Variants in NLRC3 observed in about 807,000 individuals in gnomAD.
NLRC3 encodes the protein NLR family CARD domain-containing protein 3.
Under a neutral mutation model 91.6 loss-of-function variants are expected in NLRC3, and 87 were observed. The ratio of observed to expected loss-of-function variants is 0.95; its 90% CI spans 0.80 to 1.14. The LOEUF (loss-of-function observed/expected upper bound fraction) is 1.14, where lower values mean the gene tolerates loss of function less well. Ranked by LOEUF, NLRC3 falls within the 50% of genes most tolerant of loss-of-function variation. NLRC3 has a pLI of 0.00. For missense variants in NLRC3, 1,577 were observed against 1,418.6 expected (o/e 1.11, Z -1.79); for synonymous variants, 694 against 625.3 (o/e 1.11, Z -1.64).
chr16:3,569,987 C>A (rs1481191121), intron 1 of NLRC3, among the ~76,000 whole-genome samples: 1 of 152,144 alleles, frequency 6.6e-6, no homozygotes, highest in Non-Finnish European at 1.5e-5. Flanking sequence ...TAATTTATTT[C>A]TCATAACTCT....
chr16:3,548,709 GCGA>G lies in NLRC3; in HGVS notation c.2645_2647del (p.Ile882_Ala883delinsThr). On this transcript the variant is annotated inframe_deletion, in exon 14 of 20. Coordinates refer to ENST00000359128, the MANE Select transcript of NLRC3 (RefSeq NM_178844.4). ...GGTGCGGTTTTCTCTCACTGCCACT[GCGA>G]TGGCCCGGGCACCCTGGTCGTGGAG... The G allele has an allele frequency of 6.2e-7, 1 of 1,603,312 alleles. No individual in the cohort carries two copies. The highest frequency in any genetic ancestry group is 1.1e-5 in the South Asian group (1 of 88,516).
At position 3,564,505 on chromosome 16, in the gene NLRC3, G is replaced by A. The variant is rs756551076; in HGVS notation, c.432C>T (p.Ile144=). ...TGGTCTTGCCCATGCCGGCCACCCC[G>A]ATAGTGATGGAGACCCGGGGTGGGA... The part of the protein sequence containing the change: ...VSVPPRVSIT[I]GVAGMGKTTL... The change falls in exon 5 of 20, where the codon ATC becomes ATT. Residue 144 remains isoleucine (I), a synonymous_variant. Transcript: ENST00000359128. The surrounding 1 kb of genome is among the most constrained non-coding windows in gnomAD (Gnocchi z 5.9). 1.8e-5 allele frequency: 29 copies of A among 1,612,304 alleles called. No individual in the cohort carries two copies. Among genetic ancestry groups the A allele is most frequent in the Admixed American group, 5.0e-5 (3 of 60,008 alleles).
Position 3,564,903 on chromosome 16 carries a change from G to A in NLRC3, c.134C>T (p.Ala45Val), listed in dbSNP as rs776595528. 3.1e-6 allele frequency: 5 copies of A among 1,609,722 alleles called. No homozygotes were observed. The highest frequency in any genetic ancestry group is 2.7e-5 in the African/African-American group (2 of 74,946). ...KGSQGSQAPQ[A>V]LDRTPDAPLG... is the part of the protein sequence containing the mutation. ...CGGGGCATCCGGTGTCCTATCCAGG[G>A]CCTGCGGGGCCTGGGAGCCTTGACT... Residue 45 changes from alanine to valine, a missense_variant, in exon 4 of 20, where the codon GCC becomes GTC. Physicochemically the swap from Ala to Val is moderately conservative, Grantham distance 64. Transcript: ENST00000359128. The surrounding 1 kb of genome is among the most constrained non-coding windows in gnomAD (Gnocchi z 5.9).
In NLRC3 at chr16:3,564,135, G is replaced by C; in HGVS notation, c.802C>G (p.Arg268Gly). Residue 268 changes from arginine (R) to glycine (G), a missense_variant, in exon 5 of 20, where the codon CGT becomes GGT. By Grantham distance (125) the Arg-to-Gly change is moderately radical. Transcript: ENST00000359128. The surrounding 1 kb of genome is among the most constrained non-coding windows in gnomAD (Gnocchi z 5.9). ...GGGATCTGGCCAGATGCACTGGGAC[G>C]GGAGGTGATCCAGATGGAAACTTCC... ...FPEVSIWITSRPSASGQIPGG... is the reference protein window; with the variant it reads ...FPEVSIWITSGPSASGQIPGG... 1 of 1,613,684 alleles carries C rather than the reference G, an allele frequency of 6.2e-7. No homozygotes were observed. The highest frequency in any genetic ancestry group is 8.5e-7 in the Non-Finnish European group (1 of 1,179,874).
chr16:3,557,175 G>A (rs1453055336), intron 7 of NLRC3, among the ~76,000 whole-genome samples, 181 bp from the exon 8 acceptor site: 1 of 152,212 alleles, frequency 6.6e-6, no homozygotes, highest in Non-Finnish European at 1.5e-5. Context: ...GTTTCCCCAC[G>A]ACTGTCTCAG....
rs35126359 is a variant in NLRC3 at position 3,574,007 on chromosome 16, C to CTTTTTTTTT, written c.-169+3133_-169+3141dup. On this transcript the variant is annotated intron_variant, in intron 1 of 19. Transcript: ENST00000359128. ...GCTTGGCCCATTGTAACCATTTTATCTTTTTTTTTTTTTTTTTTTTTTTTT... is the reference window on the plus strand; with the variant it reads ...GCTTGGCCCATTGTAACCATTTTATCTTTTTTTTTTTTTTTTTTTTTTTTTTTTTTTTTT... Among the ~76,000 whole-genome samples the CTTTTTTTTT allele has an allele frequency of 8.6e-3, 347 of 40,456 alleles. 12 individuals carry two copies. Among genetic ancestry groups the CTTTTTTTTT allele is most frequent in the East Asian group, 0.011 (10 of 874 alleles). The allele number at this position is 40,456 out of a possible 152,430, so 26.5% of individuals were successfully genotyped here.
intron 1 of NLRC3, among the ~76,000 whole-genome samples, chr16:3,569,408 T>A (rs1482881568): frequency 6.5e-4 from 72 of 109,958 alleles, no homozygotes; most frequent in Non-Finnish European, 1.2e-3. Flanking sequence ...TTTTTTTTTT[T>A]TTTTTTTTTT....
At position 3,541,871 on chromosome 16, in the gene NLRC3, G is replaced by C; in HGVS notation, c.3152C>G (p.Ser1051Ter). The C allele has an allele frequency of 1.9e-6, 3 of 1,612,748 alleles. No homozygotes were observed. Among genetic ancestry groups the C allele is most frequent in the African/African-American group, 1.3e-5 (1 of 75,024 alleles). The change falls in exon 20 of 20, where the codon TCA (serine) becomes TGA (stop). Residue 1051 changes from serine (S) to a stop codon, truncating the protein, a stop_gained. Transcript: ENST00000359128. LOFTEE classifies it high-confidence loss of function. Reference sequence around the variant, plus strand: ...GGGAGCATTTGTCTTGATGGCCTCTGAGATCATCCTGGCCCCGGAGTCCCC... The same window carrying C: ...GGGAGCATTTGTCTTGATGGCCTCTCAGATCATCCTGGCCCCGGAGTCCCC... ...HIGDSGARMI[S>*]EAIKTNAPTC...
At chr16:3,543,833 A>C in intron 16 of NLRC3, 1 of 379,830 alleles carries the variant, frequency 2.6e-6, no homozygotes. Context: ...AGGAAAATCA[A>C]ACACACCTTC....
intron 6 of NLRC3, among the ~76,000 whole-genome samples, chr16:3,560,880 C>T (rs2039577550): frequency 1.3e-5 from 2 of 151,514 alleles, no homozygotes; most frequent in South Asian, 4.2e-4. Context: ...AGGATGGTCT[C>T]GATTTCCTGA....
At chr16:3,566,239 G>C (rs573934456) in intron 2 of NLRC3, among the ~76,000 whole-genome samples, 28 of 151,986 alleles carry the variant, frequency 1.8e-4, no homozygotes, top group African/African-American at 6.5e-4. Context: ...TAGTGACAGA[G>C]TCTGGGTGGG....
At chr16:3,542,617 T>C in intron 18 of NLRC3, 75 bp downstream of exon 18, 1 of 843,472 alleles carries the variant, frequency 1.2e-6, no homozygotes, top group Non-Finnish European at 2.0e-6. Context: ...ATCAGGAGCA[T>C]TTTATTCCAT....
chr16:3,543,829 A>AT, intron 16 of NLRC3: 1 of 383,800 alleles, frequency 2.6e-6, no homozygotes, highest in Non-Finnish European at 4.8e-6. Context: ...TATTAGGAAA[A>AT]TCAAACACAC....
chr16:3,564,976 G>C lies in NLRC3; in HGVS notation c.61C>G (p.Pro21Ala). The change falls in exon 4 of 20, where the codon CCA becomes GCA. Residue 21 changes from proline (P) to alanine (A), a missense_variant. Coordinates refer to ENST00000359128, the MANE Select transcript of NLRC3 (RefSeq NM_178844.4). The surrounding 1 kb of genome is among the most constrained non-coding windows in gnomAD (Gnocchi z 5.9). ...ATGAGGGCTTTCACCTGCTCGGCTG[G>C]GGAGCCCGTACCGTGGCCCTGGCCG... ...EAGQGHGTGSPAEQVKALMDL... is the reference protein window; with the variant it reads ...EAGQGHGTGSAAEQVKALMDL... 6.2e-7 allele frequency: 1 copy of C among 1,610,618 alleles called. No individual in the cohort carries two copies. Among genetic ancestry groups the C allele is most frequent in the Non-Finnish European group, 8.5e-7 (1 of 1,179,746 alleles).
intron 14 of NLRC3, 57 bp from the exon 15 acceptor site, chr16:3,548,275 C>T: frequency 7.1e-7 from 1 of 1,400,376 alleles, no homozygotes; most frequent in Non-Finnish European, 9.9e-7. Context: ...GGCCCTGGGG[C>T]AGAGCCAAGG....
chr16:3,554,956 A>G (rs1287206729), intron 8 of NLRC3, among the ~76,000 whole-genome samples: 1 of 152,176 alleles, frequency 6.6e-6, no homozygotes, highest in African/African-American at 2.4e-5. Flanking sequence ...GAGGCTGGGT[A>G]CAGTGGCTCA....
chr16:3,573,670 C>T (rs1339945229), intron 1 of NLRC3, among the ~76,000 whole-genome samples: 1 of 152,038 alleles, frequency 6.6e-6, no homozygotes, highest in Admixed American at 6.6e-5. Flanking sequence ...GAGAGGACTG[C>T]GTGGAAGAAG....
At chr16:3,558,287 C>T (rs187836283) in intron 6 of NLRC3, among the ~76,000 whole-genome samples, 7 of 152,258 alleles carry the variant, frequency 4.6e-5, no homozygotes, top group Non-Finnish European at 8.8e-5. Flanking sequence ...GCCATGATGA[C>T]ATCACTGCGC....
intron 2 of NLRC3, among the ~76,000 whole-genome samples, chr16:3,566,285 T>C (rs1033928000): frequency 6.6e-6 from 1 of 151,836 alleles, no homozygotes; most frequent in African/African-American, 2.4e-5. Context: ...CTCTGTACTT[T>C]CCCATCAATT....
Sources: gnomAD v4.1 joint callset for allele counts (sites outside exome capture counted in the v4.1 genomes callset) on GRCh38, gnomAD v4.1.1 for gene constraint, Gnocchi (gnomAD v3.1) non-coding constraint, MANE v1.5 for transcripts, NCBI Gene and HGNC (gene_info 2026-07-23, HGNC 2026-07-21) for gene names.